The following PRKACA variants were observed in gnomAD, a reference collection of about 807,000 sequenced individuals.
PRKACA encodes cAMP-dependent protein kinase catalytic subunit alpha.
A neutral mutation model predicts 45.8 loss-of-function variants in PRKACA; 9 were observed. The ratio of observed to expected loss-of-function variants is 0.20; its 90% confidence interval spans 0.12 to 0.34. The LOEUF is 0.34. Among genes scored for constraint, PRKACA ranks in the 10% least tolerant of loss-of-function variants. PRKACA has a pLI of 1.00. For missense variants in PRKACA, 238 were observed against 458.6 expected (o/e 0.52, Z 4.39); for synonymous variants, 160 against 178.6 (o/e 0.90, Z 0.83).
chr19:14,095,905 C>A (rs1290985845), intron 8 of PRKACA, among the ~76,000 whole-genome samples: 1 of 151,942 alleles, frequency 6.6e-6, no homozygotes, highest in Non-Finnish European at 1.5e-5. Flanking sequence ...GGCTCTGTGA[C>A]CCAGGCTAGA....
intron 3 of PRKACA, among the ~76,000 whole-genome samples, chr19:14,104,881 AAAC>A (rs981298827): frequency 8.5e-5 from 13 of 152,070 alleles, no homozygotes; most frequent in African/African-American, 3.1e-4. Context: ...CTCAAAAACA[AAAC>A]AAAACAAAAC....
intron 3 of PRKACA, 113 bp from the exon 4 acceptor site, chr19:14,103,027 T>A (rs1977492633): frequency 1.2e-6 from 1 of 841,536 alleles, no homozygotes; most frequent in African/African-American, 1.7e-5. Context: ...TCAGCCAGAA[T>A]CATTTGTGTG....
intron 2 of PRKACA, 111 bp from the exon 3 acceptor site, chr19:14,106,999 G>A: frequency 1.5e-6 from 2 of 1,370,534 alleles, no homozygotes; most frequent in Non-Finnish European, 2.0e-6. Flanking sequence ...GGGAGCACGT[G>A]GGGTCAGCGG....
chr19:14,095,146 C>T (rs1194342291), intron 8 of PRKACA, among the ~76,000 whole-genome samples: 2 of 151,694 alleles, frequency 1.3e-5, no homozygotes, highest in Non-Finnish European at 2.9e-5. Context: ...CTTTTTTTTC[C>T]CACTCTGGGA....
chr19:14,098,124 A>G, intron 5 of PRKACA: 2 of 480,070 alleles, frequency 4.2e-6, no homozygotes, highest in Non-Finnish European at 3.8e-6. Context: ...CACCACCACC[A>G]CCGCCAACAG....
chr19:14,097,339 T>C lies in PRKACA; in HGVS notation c.765+22A>G. On this transcript the variant is annotated intron_variant, in intron 8 of 9. Transcript: ENST00000308677. This position sits in a 1 kb window ranked among gnomAD's most constrained non-coding sequence, Gnocchi z 5.4. ...GAACGGTCTGTTTCTTCCAGGGCTG[T>C]GTCCCCACATCCGGACCTCACCTTC... 1 of 1,613,978 alleles carries C rather than the reference T, an allele frequency of 6.2e-7. No homozygotes were observed. The highest frequency in any genetic ancestry group is 8.5e-7 in the Non-Finnish European group (1 of 1,179,954).
chr19:14,104,750 G>A (rs1977555482), intron 3 of PRKACA, among the ~76,000 whole-genome samples: 1 of 151,782 alleles, frequency 6.6e-6, no homozygotes, highest in South Asian at 2.1e-4. Flanking sequence ...GCCGGCGCCT[G>A]TAATTCCAGC....
chr19:14,094,986 G>A (rs561419712), intron 8 of PRKACA, among the ~76,000 whole-genome samples: 55 of 152,102 alleles, frequency 3.6e-4, no homozygotes, highest in Non-Finnish European at 2.6e-4. Context: ...AACCTCTCTG[G>A]GCCTGCGCAT....
intron 3 of PRKACA, among the ~76,000 whole-genome samples, chr19:14,103,232 G>A (rs758356757): frequency 1.3e-5 from 2 of 152,152 alleles, no homozygotes; most frequent in African/African-American, 2.4e-5. Flanking sequence ...AGTACCTGGC[G>A]TGGTCTGGGG....
At chr19:14,095,718 A>G (rs1042075862) in intron 8 of PRKACA, among the ~76,000 whole-genome samples, 5 of 151,262 alleles carry the variant, frequency 3.3e-5, no homozygotes, top group African/African-American at 1.2e-4. Context: ...GGGTTTCACC[A>G]TGTTAGCCAG....
intron 3 of PRKACA, among the ~76,000 whole-genome samples, chr19:14,105,306 G>A (rs1348662552): frequency 6.6e-6 from 1 of 152,014 alleles, no homozygotes; most frequent in Non-Finnish European, 1.5e-5. Context: ...GAGGTCAGGA[G>A]TTCGAGACCA....
intron 4 of PRKACA, among the ~76,000 whole-genome samples, chr19:14,101,448 G>A (rs537906396): frequency 1.3e-5 from 2 of 152,204 alleles, no homozygotes; most frequent in East Asian, 3.9e-4. Flanking sequence ...TGCACCTGTA[G>A]TCTCATACTC....
intron 5 of PRKACA, among the ~76,000 whole-genome samples, chr19:14,100,007 AT>A (rs1046597868): frequency 1.1e-3 from 173 of 151,622 alleles, no homozygotes; most frequent in South Asian, 2.3e-3. Context: ...CACCCGGCTA[AT>A]TTTTTTGTAT....
At chr19:14,107,019 AG>A (rs1977633522) in intron 2 of PRKACA, 131 bp from the exon 3 acceptor site, 1 of 1,202,664 alleles carries the variant, frequency 8.3e-7, no homozygotes, top group Non-Finnish European at 1.2e-6. Context: ...GGGTGAGGAC[AG>A]GGGGCGGAAA....
At chr19:14,113,089 C>A (rs1967015433) in intron 1 of PRKACA, among the ~76,000 whole-genome samples, 1 of 151,870 alleles carries the variant, frequency 6.6e-6, no homozygotes, top group South Asian at 2.1e-4. Context: ...TGCTCCTATG[C>A]GGGGGTGGAG....
chr19:14,099,981 T>C (rs989420219), intron 5 of PRKACA, among the ~76,000 whole-genome samples: 4 of 151,772 alleles, frequency 2.6e-5, no homozygotes, highest in Non-Finnish European at 2.9e-5. Context: ...GCTGGGACTA[T>C]AGGCGCCCGC....
chr19:14,091,999 T>C lies in PRKACA; in HGVS notation c.*1113A>G, dbSNP rs781626359. ...TAAGCTGGAGGAGGGGCGCCCAGGA[T>C]GGGGGAGGCGGAAGCTGGTGGGTGA... On this transcript the variant is annotated 3_prime_UTR_variant, in exon 10 of 10. Coordinates refer to ENST00000308677, the MANE Select transcript of PRKACA (RefSeq NM_002730.4). 6.6e-6 allele frequency: 1 copy of C among 152,058 alleles called. No individual in the cohort carries two copies. The highest frequency in any genetic ancestry group is 2.1e-4 in the South Asian group (1 of 4,826). The allele number at this position is 152,058 out of a possible 1,614,324, so 9.4% of individuals were successfully genotyped here. A position where few individuals can be genotyped will look rare whatever the true frequency, so the allele number is the denominator to read the frequency against.
intron 5 of PRKACA, among the ~76,000 whole-genome samples, chr19:14,099,075 T>G (rs966799279): frequency 6.6e-6 from 1 of 152,028 alleles, no homozygotes; most frequent in Admixed American, 6.6e-5. Context: ...GCGGATCACC[T>G]GAGGTCAGGA....
At chr19:14,106,703 G>T in intron 3 of PRKACA, 57 bp downstream of exon 3, 1 of 1,609,046 alleles carries the variant, frequency 6.2e-7, no homozygotes, top group South Asian at 1.1e-5. Context: ...TAAGGAGTGG[G>T]CACAGTCCAG....
Sources: gnomAD v4.1 joint callset for allele counts (sites outside exome capture counted in the v4.1 genomes callset) on GRCh38, gnomAD v4.1.1 for gene constraint, Gnocchi (gnomAD v3.1) non-coding constraint, MANE v1.5 for transcripts, NCBI Gene and HGNC (gene_info 2026-07-23, HGNC 2026-07-21) for gene names.